The following PARD3B variants were observed in gnomAD, a reference collection of about 807,000 sequenced individuals.
The protein encoded by PARD3B is par-3 family cell polarity regulator beta, also known as partitioning defective 3 homolog B.
PARD3B carries 103 observed loss-of-function variants against 130.2 expected under a neutral mutation model. The ratio of observed to expected loss-of-function variants is 0.79; its 90% CI spans 0.67 to 0.93. The LOEUF (loss-of-function observed/expected upper bound fraction) is 0.93. Among genes scored for constraint, PARD3B ranks in the 40% least tolerant of loss-of-function variants. PARD3B has a pLI of 0.00. For synonymous variants in PARD3B, 583 were observed against 553.2 expected (o/e 1.05, Z -0.76); for missense variants, 1,609 against 1,499.2 (o/e 1.07, Z -1.21).
intron 18 of PARD3B, among the ~76,000 whole-genome samples, chr2:205,389,738 A>G (rs1240421051): frequency 2.0e-5 from 3 of 152,220 alleles, no homozygotes; most frequent in South Asian, 4.1e-4. Flanking sequence ...CTTGACACAT[A>G]TATTTATTTG....
chr2:204,777,350 C>G (rs1320919357), intron 2 of PARD3B, among the ~76,000 whole-genome samples: 2 of 152,176 alleles, frequency 1.3e-5, no homozygotes, highest in Non-Finnish European at 2.9e-5. Context: ...TTCTGCTACA[C>G]TACTTTAATG....
At chr2:204,563,765 T>C (rs2031494806) in intron 1 of PARD3B, among the ~76,000 whole-genome samples, 1 of 152,102 alleles carries the variant, frequency 6.6e-6, no homozygotes, top group Admixed American at 6.6e-5. Flanking sequence ...TCACATCCTT[T>C]GTGGTCTGCT....
chr2:205,393,718 T>A (rs1473478777), intron 18 of PARD3B, among the ~76,000 whole-genome samples: 1 of 152,182 alleles, frequency 6.6e-6, no homozygotes, highest in Non-Finnish European at 1.5e-5. Context: ...CTGCATAAAC[T>A]GCCCAGTGTG....
At chr2:205,096,147 G>T (rs1321982900) in intron 4 of PARD3B, among the ~76,000 whole-genome samples, 1 of 152,072 alleles carries the variant, frequency 6.6e-6, no homozygotes, top group Admixed American at 6.6e-5. Context: ...TTGATCTGTT[G>T]GGGAATTTTT....
intron 2 of PARD3B, among the ~76,000 whole-genome samples, chr2:204,959,180 C>G (rs2125841822): frequency 6.6e-6 from 1 of 152,216 alleles, no homozygotes; most frequent in East Asian, 1.9e-4. Context: ...TCACTGTGTC[C>G]ATGTGTTCCC....
chr2:204,772,849 T>C (rs941539717), intron 2 of PARD3B, among the ~76,000 whole-genome samples: 6 of 151,822 alleles, frequency 4.0e-5, no homozygotes, highest in African/African-American at 1.4e-4. Flanking sequence ...TTGGAATAAG[T>C]AAATGAGTGT....
intron 20 of PARD3B, among the ~76,000 whole-genome samples, chr2:205,450,718 C>T (rs1014837716): frequency 1.3e-5 from 2 of 151,968 alleles, no homozygotes; most frequent in African/African-American, 4.8e-5. Context: ...TCAGGTGATC[C>T]GCCCGCCTCG....
At position 205,417,852 on chromosome 2, in the gene PARD3B, G is replaced by A. The variant is rs550680212; in HGVS notation, c.2741+16729G>A. Among the ~76,000 whole-genome samples, 264 of 152,304 alleles carry A rather than the reference G, an allele frequency of 1.7e-3. 2 individuals carry two copies. The highest frequency in any genetic ancestry group is 3.1e-3 in the East Asian group (16 of 5,178). On this transcript the variant is annotated intron_variant, in intron 19 of 22. Transcript: ENST00000406610. The stretch of plus-strand genomic sequence containing the variant: ...CCTCCTCTGGAAGCTGGCCTTCTCC[G>A]GGAACCCCCAGTGGAGGCCTTTATT...
At chr2:204,755,134 C>T (rs2040611958) in intron 2 of PARD3B, among the ~76,000 whole-genome samples, 1 of 152,060 alleles carries the variant, frequency 6.6e-6, no homozygotes, top group Non-Finnish European at 1.5e-5. Context: ...AACATCAGAA[C>T]TCCAGTTCAG....
intron 19 of PARD3B, among the ~76,000 whole-genome samples, chr2:205,422,395 C>T (rs1443520284): frequency 6.6e-6 from 1 of 152,134 alleles, no homozygotes; most frequent in African/African-American, 2.4e-5. Flanking sequence ...AGCAGAGAAA[C>T]AGTTAAATAT....
intron 2 of PARD3B, among the ~76,000 whole-genome samples, chr2:204,921,918 C>T (rs1188888785): frequency 6.6e-6 from 1 of 151,994 alleles, no homozygotes; most frequent in Non-Finnish European, 1.5e-5. Flanking sequence ...CTAAAATCTG[C>T]AGAGTTGTAC....
chr2:205,322,889 CTTTTTTTTTTTTTTTTTTTTTTTTT>C (rs71032461), intron 18 of PARD3B, among the ~76,000 whole-genome samples: 716 of 51,484 alleles, frequency 0.014, 14 homozygotes, highest in Middle Eastern at 0.098. Context: ...ATTAACACCT[CTTTTTTTTTTTTTTTTTTTTTTTTT>C]TTTTTTTTTT....
At chr2:205,032,970 A>C (rs1200407198) in intron 3 of PARD3B, among the ~76,000 whole-genome samples, 1 of 152,216 alleles carries the variant, frequency 6.6e-6, no homozygotes, top group Non-Finnish European at 1.5e-5. Context: ...ATGTTGCAGT[A>C]ATTGTTTGCA....
At chr2:205,037,538 T>C (rs932945767) in intron 3 of PARD3B, among the ~76,000 whole-genome samples, 1 of 148,240 alleles carries the variant, frequency 6.7e-6, no homozygotes, top group Non-Finnish European at 1.5e-5. Context: ...TATAGTGTAC[T>C]ATACATATGT....
Position 205,300,711 on chromosome 2 carries a change from C to A in PARD3B, c.2367C>A (p.Tyr789Ter). Reference sequence around the variant, plus strand: ...TTAGAGCAGCCATTGACAAATCCTACGATGGACCTGAAGAAATAGAAGCTG... The same window carrying A: ...TTAGAGCAGCCATTGACAAATCCTAAGATGGACCTGAAGAAATAGAAGCTG... ...ESFRAAIDKS[Y>*]DGPEEIEADG... Residue 789 changes from tyrosine (Y) to a stop codon, truncating the protein, a stop_gained, in exon 17 of 23, where the codon TAC (tyrosine) becomes TAA (stop). Coordinates refer to ENST00000406610, the MANE Select transcript of PARD3B (RefSeq NM_001302769.2). LOFTEE classifies it high-confidence loss of function. The surrounding 1 kb of genome is among the most constrained non-coding windows in gnomAD (Gnocchi z 4.1). 6.2e-7 allele frequency: 1 copy of A among 1,612,458 alleles called. No homozygotes were observed. Among genetic ancestry groups the A allele is most frequent in the South Asian group, 1.1e-5 (1 of 91,050 alleles).
At chr2:204,627,318 G>A (rs1388387461) in intron 1 of PARD3B, among the ~76,000 whole-genome samples, 1 of 152,068 alleles carries the variant, frequency 6.6e-6, no homozygotes, top group Non-Finnish European at 1.5e-5. Context: ...TCATTCTAAA[G>A]TAAATTGCAA....
chr2:205,328,254 T>G (rs2043000355), intron 18 of PARD3B, among the ~76,000 whole-genome samples: 1 of 152,208 alleles, frequency 6.6e-6, no homozygotes, highest in South Asian at 2.1e-4. Flanking sequence ...TTCCATTTAT[T>G]GCATTATGAG....
intron 3 of PARD3B, among the ~76,000 whole-genome samples, chr2:204,979,703 T>A (rs758226019): frequency 2.0e-5 from 3 of 152,170 alleles, no homozygotes; most frequent in African/African-American, 7.2e-5. Flanking sequence ...TGGAGTAGAA[T>A]AGAAATTATA....
At chr2:204,722,319 A>G (rs2039033445) in intron 2 of PARD3B, among the ~76,000 whole-genome samples, 1 of 152,210 alleles carries the variant, frequency 6.6e-6, no homozygotes, top group Non-Finnish European at 1.5e-5. Context: ...GCATAACAAT[A>G]AATGTCTAAC....
Sources: gnomAD v4.1 joint callset for allele counts (sites outside exome capture counted in the v4.1 genomes callset) on GRCh38, gnomAD v4.1.1 for gene constraint, Gnocchi (gnomAD v3.1) non-coding constraint, MANE v1.5 for transcripts, NCBI Gene and HGNC (gene_info 2026-07-23, HGNC 2026-07-21) for gene names.